The following ZFP37 variants were observed in gnomAD, a reference collection of about 807,000 sequenced individuals.
ZFP37 encodes zinc finger protein 37 homolog.
ZFP37 carries 38 observed loss-of-function variants against 52.1 expected under a neutral mutation model. The observed-to-expected ratio is 0.73, with a 90% CI of 0.56 to 0.96. The LOEUF (loss-of-function observed/expected upper bound fraction) is 0.96, where lower values mean the gene tolerates loss of function less well. ZFP37 is among the 40% of genes least tolerant of loss of function. The pLI is 0.00. For synonymous variants in ZFP37, 253 were observed against 259.5 expected (o/e 0.98, Z 0.24); for missense variants, 695 against 741.4 (o/e 0.94, Z 0.73).
In ZFP37 at chr9:113,042,779, AT is replaced by A; in HGVS notation, c.1838del (p.Asn613MetfsTer4). ...CNECGKTFKQ[N>X]ASLTKHVKTH... ...TTTTCACATGTTTGGTTAGGGATGC[AT>A]TTTGTTTGAAAGTTTTCCCACATTC... On this transcript the variant is annotated frameshift_variant, in exon 4 of 4. Transcript: ENST00000374227. LOFTEE classifies it high-confidence loss of function. 1 of 1,607,794 alleles carries A rather than the reference AT, an allele frequency of 6.2e-7. No homozygotes were observed.
chr9:113,056,383 T>G (rs1349918475), intron 1 of ZFP37, among the ~76,000 whole-genome samples, 174 bp downstream of exon 1: 2 of 152,146 alleles, frequency 1.3e-5, no homozygotes, highest in Non-Finnish European at 2.9e-5. Context: ...ACTGATATCC[T>G]AAAGCCAAAT....
Position 113,056,710 on chromosome 9 carries a change from CT to C in ZFP37, c.-23del. ...ACATGGCGGCTACCCGGAGGGCGGCCTTAGCGGGTCCGGCAGCCGCGATGGC... is the reference window on the plus strand; with the variant it reads ...ACATGGCGGCTACCCGGAGGGCGGCCTAGCGGGTCCGGCAGCCGCGATGGC... On this transcript the variant is annotated 5_prime_UTR_variant, in exon 1 of 4. Coordinates refer to ENST00000374227, the MANE Select transcript of ZFP37 (RefSeq NM_003408.3). 1 of 1,606,296 alleles carries C rather than the reference CT, an allele frequency of 6.2e-7. No individual in the cohort carries two copies. The highest frequency in any genetic ancestry group is 8.5e-7 in the Non-Finnish European group (1 of 1,176,548).
At chr9:113,046,647 A>C (rs1476298613) in intron 3 of ZFP37, among the ~76,000 whole-genome samples, 1 of 152,230 alleles carries the variant, frequency 6.6e-6, no homozygotes, top group African/African-American at 2.4e-5. Context: ...CTGGAAGAGC[A>C]ATTGACTATG....
intron 1 of ZFP37, among the ~76,000 whole-genome samples, chr9:113,054,903 G>A (rs2118723228): frequency 6.6e-6 from 1 of 152,296 alleles, no homozygotes; most frequent in Middle Eastern, 3.4e-3. Flanking sequence ...CCCCTCTGCA[G>A]TCCGTCTTCC....
At chr9:113,047,106 C>CT (rs1828970922) in intron 3 of ZFP37, among the ~76,000 whole-genome samples, 1 of 132,942 alleles carries the variant, frequency 7.5e-6, no homozygotes, top group African/African-American at 2.8e-5. Flanking sequence ...CAGACTCCGT[C>CT]TAAAAAAAAA....
In ZFP37 at chr9:113,039,960, GT is replaced by G. The variant is rs1455964019; in HGVS notation, c.*2764del. ...CAAATTCTCAAGGCCCACCCACAGGGTTTCTGATCCAATATGTCTGTGACGA... is the reference window on the plus strand; with the variant it reads ...CAAATTCTCAAGGCCCACCCACAGGGTTCTGATCCAATATGTCTGTGACGA... On this transcript the variant is annotated 3_prime_UTR_variant, in exon 4 of 4. Transcript: ENST00000374227. The G allele has an allele frequency of 4.6e-5, 7 of 152,134 alleles. No individual in the cohort carries two copies. The highest frequency in any genetic ancestry group is 1.7e-4 in the African/African-American group (7 of 41,414). 9.4% of individuals were successfully genotyped at this position (152,134 alleles called of 1,614,324 possible).
chr9:113,046,188 CTATA>C (rs1037147268), intron 3 of ZFP37, among the ~76,000 whole-genome samples: 15 of 145,752 alleles, frequency 1.0e-4, no homozygotes, highest in Non-Finnish European at 2.2e-4. Context: ...AGATATATAT[CTATA>C]TATGTAGACA....
chr9:113,043,590 T>C lies in ZFP37; in HGVS notation c.1028A>G (p.His343Arg). Residue 343 changes from histidine to arginine, a missense_variant, in exon 4 of 4, where the codon CAC (histidine) becomes CGC (arginine). Coordinates refer to ENST00000374227, the MANE Select transcript of ZFP37 (RefSeq NM_003408.3). ...ACATTCATATGGTTTTTCTCCGGTG[T>C]GAGTTCTCTGATGTACAACAAGGTG... is the stretch of plus-strand genomic sequence containing the variant. ...KSHLVVHQRT[H>R]TGEKPYECIQ... The C allele has an allele frequency of 3.1e-6, 5 of 1,614,068 alleles. No individual in the cohort carries two copies. The highest frequency in any genetic ancestry group is 4.2e-6 in the Non-Finnish European group (5 of 1,179,954).
chr9:113,043,197 G>A lies in ZFP37; in HGVS notation c.1421C>T (p.Ser474Leu). ...NECGKAFSKK[S>L]HLIIHQRTHT... ...AGTTCTTTGATGTATAATGAGGTGT[G>A]ACTTCTTGCTGAAAGCTTTCCCACA... Residue 474 changes from serine to leucine, a missense_variant, in exon 4 of 4, where the codon TCA becomes TTA. Coordinates refer to ENST00000374227, the MANE Select transcript of ZFP37 (RefSeq NM_003408.3). The A allele has an allele frequency of 1.2e-6, 2 of 1,613,868 alleles. No individual in the cohort carries two copies. The highest frequency in any genetic ancestry group is 1.7e-6 in the Non-Finnish European group (2 of 1,179,958).
chr9:113,046,836 G>A (rs912794688), intron 3 of ZFP37, among the ~76,000 whole-genome samples: 20 of 152,292 alleles, frequency 1.3e-4, no homozygotes, highest in African/African-American at 3.6e-4. Flanking sequence ...CTGGCCGGGC[G>A]CAGTGGCTTA....
intron 1 of ZFP37, among the ~76,000 whole-genome samples, chr9:113,053,830 C>G (rs1829097835): frequency 6.6e-6 from 1 of 152,206 alleles, no homozygotes; most frequent in African/African-American, 2.4e-5. Flanking sequence ...TCAATCCCAT[C>G]CCCAACTGCC....
At position 113,042,846 on chromosome 9, in the gene ZFP37, T is replaced by C. The variant is rs1828870996; in HGVS notation, c.1772A>G (p.His591Arg). 6.2e-7 allele frequency: 1 copy of C among 1,613,778 alleles called. No homozygotes were observed. The highest frequency in any genetic ancestry group is 1.3e-5 in the African/African-American group (1 of 74,918). The change falls in exon 4 of 4, where the codon CAT (histidine) becomes CGT (arginine). Residue 591 changes from histidine to arginine, a missense_variant. By Grantham distance (29) the His-to-Arg change is conservative (BLOSUM62 0). Around this residue, in one of 2 missense-constraint regions of ZFP37, gnomAD observed 326 missense variants for 400.5 expected, o/e 0.81. Coordinates refer to ENST00000374227, the MANE Select transcript of ZFP37 (RefSeq NM_003408.3). The stretch of plus-strand genomic sequence containing the variant: ...TTTTTCTCCAGTGTGGGATCGCTGA[T>C]GTATAACAAGCTGTGATTTTGCATT... ...AFNAKSQLVI[H>R]QRSHTGEKPY...
chr9:113,049,313 G>T lies in ZFP37; in HGVS notation c.349+49C>A, dbSNP rs760946479. ...AAGAAAGGTCTAGGATCTTTAAGAA[G>T]AATTTCAGAATAAATTATTTGCTGA... On this transcript the variant is annotated intron_variant, in intron 3 of 3. Coordinates refer to ENST00000374227, the MANE Select transcript of ZFP37 (RefSeq NM_003408.3). 14 of 1,594,640 alleles carry T rather than the reference G, an allele frequency of 8.8e-6. No homozygotes were observed. The South Asian group carries it at 1.2e-4, about 14-fold the overall frequency.
chr9:113,055,951 A>G (rs1829134766), intron 1 of ZFP37, among the ~76,000 whole-genome samples: 1 of 151,948 alleles, frequency 6.6e-6, no homozygotes, highest in Admixed American at 6.6e-5. Context: ...ATGACATACA[A>G]ATCATCTACC....
chr9:113,053,831 C>T (rs1162458140), intron 1 of ZFP37, among the ~76,000 whole-genome samples: 1 of 152,160 alleles, frequency 6.6e-6, no homozygotes, highest in Non-Finnish European at 1.5e-5. Context: ...CAATCCCATC[C>T]CCAACTGCCT....
chr9:113,049,917 C>T (rs1462322182), intron 1 of ZFP37, 45 bp from the exon 2 acceptor site: 6 of 1,612,608 alleles, frequency 3.7e-6, no homozygotes, highest in East Asian at 2.2e-5. Flanking sequence ...GTTACTGATA[C>T]CTGTGATAGC....
chr9:113,043,689 T>C lies in ZFP37; in HGVS notation c.929A>G (p.Asp310Gly), dbSNP rs774786730. The C allele has an allele frequency of 1.9e-6, 3 of 1,614,110 alleles. No individual in the cohort carries two copies. Among genetic ancestry groups the C allele is most frequent in the Middle Eastern group, 3.3e-4 (2 of 6,062 alleles). ...CTCCCCAGTATGAACTCTCTGATGGTCAATGAGTCCTTGTTTATGGCTGAG... is the reference window on the plus strand; with the variant it reads ...CTCCCCAGTATGAACTCTCTGATGGCCAATGAGTCCTTGTTTATGGCTGAG... ...KVLSHKQGLI[D>G]HQRVHTGEKP... The change falls in exon 4 of 4, where the codon GAC becomes GGC. Residue 310 changes from aspartate to glycine, a missense_variant. Around this residue, in one of 2 missense-constraint regions of ZFP37, gnomAD observed 326 missense variants for 400.5 expected, o/e 0.81. Transcript: ENST00000374227.
At chr9:113,047,430 A>C (rs995331876) in intron 3 of ZFP37, among the ~76,000 whole-genome samples, 1 of 152,172 alleles carries the variant, frequency 6.6e-6, no homozygotes, top group East Asian at 1.9e-4. Context: ...ATAATAACTG[A>C]ATATTTTAAT....
At position 113,043,657 on chromosome 9, in the gene ZFP37, A is replaced by C. The variant is rs750259575; in HGVS notation, c.961T>G (p.Tyr321Asp). The change falls in exon 4 of 4, where the codon TAT becomes GAT. Residue 321 changes from tyrosine (Y) to aspartate (D), a missense_variant. Tyr to Asp is a radical substitution (Grantham distance 160, BLOSUM62 -3). Around this residue, in one of 2 missense-constraint regions of ZFP37, gnomAD observed 326 missense variants for 400.5 expected, o/e 0.81. Coordinates refer to ENST00000374227, the MANE Select transcript of ZFP37 (RefSeq NM_003408.3). ...HQRVHTGEKP[Y>D]ECNECGIAFS... ...GCTATCCCACATTCATTACATTCAT[A>C]TGGTTTCTCCCCAGTATGAACTCTC... The C allele has an allele frequency of 2.5e-6, 4 of 1,613,942 alleles. No individual in the cohort carries two copies. In the Admixed American group the frequency reaches 6.7e-5, roughly 27 times the overall value.
Sources: gnomAD v4.1 joint callset for allele counts (sites outside exome capture counted in the v4.1 genomes callset) on GRCh38, gnomAD v4.1.1 for gene constraint, gnomAD v4.1.1 regional missense constraint, MANE v1.5 for transcripts, NCBI Gene and HGNC (gene_info 2026-07-23, HGNC 2026-07-21) for gene names.